CCDC47: variants seen among roughly 807,000 people sequenced by gnomAD.
The protein encoded by CCDC47 is coiled-coil domain containing 47.
Under a neutral mutation model 60.5 loss-of-function variants are expected in CCDC47, and 41 were observed. The ratio of observed to expected loss-of-function variants is 0.68; its 90% CI spans 0.53 to 0.88. The LOEUF is 0.88. Ranked by LOEUF, CCDC47 falls within the 40% of genes least tolerant of loss-of-function variation. CCDC47 has a pLI of 0.00. For missense variants in CCDC47, 513 were observed against 580.9 expected, an observed-to-expected ratio of 0.88 and a Z score of 1.20; for synonymous variants, 195 against 190.7, an observed-to-expected ratio of 1.02 and a Z score of -0.18.
At chr17:63,773,208 C>T (rs1278462738) in intron 1 of CCDC47, among the ~76,000 whole-genome samples, 1 of 152,244 alleles carries the variant, frequency 6.6e-6, no homozygotes, top group Non-Finnish European at 1.5e-5. Flanking sequence ...AGAATCAATA[C>T]ATCCTAATGT....
chr17:63,765,093 T>C (rs1351189636), intron 2 of CCDC47: 6 of 276,684 alleles, frequency 2.2e-5, no homozygotes, highest in Non-Finnish European at 3.3e-5. Flanking sequence ...TGAAATCTGC[T>C]AAGAGAATAT....
intron 12 of CCDC47, chr17:63,751,711 G>A: frequency 1.7e-6 from 1 of 584,740 alleles, no homozygotes; most frequent in East Asian, 2.8e-5. Flanking sequence ...AATTGTGCTG[G>A]GGGAACAGGA....
At chr17:63,765,762 T>G (rs2039293190) in intron 2 of CCDC47, 150 bp downstream of exon 2, 3 of 1,401,814 alleles carry the variant, frequency 2.1e-6, no homozygotes, top group Non-Finnish European at 2.8e-6. Flanking sequence ...AGGTGGAAAC[T>G]TACCACAGAA....
intron 1 of CCDC47, among the ~76,000 whole-genome samples, chr17:63,772,022 T>C (rs1418962713): frequency 2.0e-5 from 3 of 152,012 alleles, no homozygotes; most frequent in East Asian, 3.9e-4. Flanking sequence ...ATGGAGGTTG[T>C]AGTGAGCCAA....
chr17:63,758,951 G>GGAGA (rs140144742), intron 6 of CCDC47, among the ~76,000 whole-genome samples: 2 of 151,150 alleles, frequency 1.3e-5, no homozygotes, highest in Admixed American at 6.6e-5. Flanking sequence ...CTTAGCAGGA[G>GGAGA]GAGAGAGAGA....
rs1048092938 is a variant in CCDC47 at position 63,746,756 on chromosome 17, T to C, written c.*125A>G. On this transcript the variant is annotated 3_prime_UTR_variant, in exon 13 of 13. Transcript: ENST00000225726. ...ACCCCAAACAGAGTAGATGATGAAA[T>C]AAGGATTTCTCAGTTGCCCAAGACT... 3 of 715,164 alleles carry C rather than the reference T, an allele frequency of 4.2e-6. No individual in the cohort carries two copies. Among genetic ancestry groups the C allele is most frequent in the Non-Finnish European group, 7.3e-6 (3 of 410,822 alleles). The allele number at this position is 715,164 out of a possible 1,614,324, so 44.3% of individuals were successfully genotyped here.
In CCDC47 at chr17:63,751,910, A is replaced by G. The variant is rs760251617; in HGVS notation, c.1371+30T>C. On this transcript the variant is annotated intron_variant, in intron 12 of 12. Transcript: ENST00000225726. ...ACAAGCAGTCATCCTTACAAATCGTAGTTTTACCCCAGTGATAAGTTTGTC... is the reference window on the plus strand; with the variant it reads ...ACAAGCAGTCATCCTTACAAATCGTGGTTTTACCCCAGTGATAAGTTTGTC... 10 of 1,611,386 alleles carry G rather than the reference A, an allele frequency of 6.2e-6. No homozygotes were observed. The South Asian group carries it at 1.1e-4, about 18-fold the overall frequency.
intron 12 of CCDC47, 22 bp downstream of exon 12, chr17:63,751,918 C>T (rs2039168890): frequency 1.2e-6 from 2 of 1,612,914 alleles, no homozygotes; most frequent in Non-Finnish European, 1.7e-6. Context: ...GTAGTTTTAC[C>T]CCAGTGATAA....
Position 63,761,335 on chromosome 17 carries a change from G to C in CCDC47, c.564C>G (p.Asn188Lys). Residue 188 changes from asparagine to lysine, a missense_variant, in exon 5 of 13, where the codon AAC becomes AAG. Asn to Lys is a moderately conservative substitution (Grantham distance 94, BLOSUM62 0). Coordinates refer to ENST00000225726, the MANE Select transcript of CCDC47 (RefSeq NM_020198.3). ...NFTLVGDDGT[N>K]KEATSTGKLN... ...ACTTTCCTGTGCTTGTGGCTTCTTTGTTAGTTCCATCATCCCCTAGGGGTA... is the reference window on the plus strand; with the variant it reads ...ACTTTCCTGTGCTTGTGGCTTCTTTCTTAGTTCCATCATCCCCTAGGGGTA... 1.2e-6 allele frequency: 2 copies of C among 1,613,872 alleles called. No individual in the cohort carries two copies. The highest frequency in any genetic ancestry group is 1.6e-4 in the Middle Eastern group (1 of 6,062).
At chr17:63,766,327 T>A in intron 1 of CCDC47, 133 bp from the exon 2 acceptor site, 1 of 818,514 alleles carries the variant, frequency 1.2e-6, no homozygotes, top group Non-Finnish European at 1.8e-6. Context: ...CCACATTATA[T>A]AAAGAACAAT....
chr17:63,771,804 A>T (rs2039343597), intron 1 of CCDC47, among the ~76,000 whole-genome samples: 3 of 152,170 alleles, frequency 2.0e-5, no homozygotes, highest in Non-Finnish European at 4.4e-5. Flanking sequence ...GCTCTAGGCC[A>T]GGCGTGGTGG....
intron 1 of CCDC47, among the ~76,000 whole-genome samples, chr17:63,771,850 G>C (rs970310493): frequency 4.6e-5 from 7 of 152,160 alleles, no homozygotes; most frequent in African/African-American, 1.7e-4. Flanking sequence ...GGGAGGCCGA[G>C]GTGGGTGGAT....
chr17:63,755,525 G>C (rs1179805531), intron 8 of CCDC47: 1 of 149,304 alleles, frequency 6.7e-6, no homozygotes, highest in Non-Finnish European at 1.5e-5. Flanking sequence ...GATTCTTTTC[G>C]AGCAGCTAAA....
intron 4 of CCDC47, among the ~76,000 whole-genome samples, chr17:63,762,891 A>C (rs967647098): frequency 6.6e-6 from 1 of 152,174 alleles, no homozygotes; most frequent in Non-Finnish European, 1.5e-5. Flanking sequence ...TTTACTGCTG[A>C]CTCATGAAAG....
At chr17:63,773,212 C>A (rs2039365256) in intron 1 of CCDC47, among the ~76,000 whole-genome samples, 200 bp downstream of exon 1, 1 of 152,252 alleles carries the variant, frequency 6.6e-6, no homozygotes, top group South Asian at 2.1e-4. Context: ...TCAATACATC[C>A]TAATGTCATC....
intron 1 of CCDC47, chr17:63,766,875 C>A (rs2039301762): frequency 1.0e-6 from 1 of 979,858 alleles, no homozygotes; most frequent in Non-Finnish European, 1.2e-6. Context: ...AGCTATTTAT[C>A]TGTTAGTGGT....
chr17:63,754,413 C>A lies in CCDC47; in HGVS notation c.1034+20G>T, dbSNP rs1436642615. 37 of 1,463,328 alleles carry A rather than the reference C, an allele frequency of 2.5e-5. No individual in the cohort carries two copies. The highest frequency in any genetic ancestry group is 3.5e-5 in the Non-Finnish European group (37 of 1,048,480). 90.6% of individuals were successfully genotyped at this position (1,463,328 alleles called of 1,614,324 possible). Reference sequence around the variant, plus strand: ...AGCTAGTGAGGAAAATTAATTTCAACAATTTTATCTTATACGTACTCTTGC... The same window carrying A: ...AGCTAGTGAGGAAAATTAATTTCAAAAATTTTATCTTATACGTACTCTTGC... On this transcript the variant is annotated intron_variant, in intron 9 of 12. Transcript: ENST00000225726.
In CCDC47 at chr17:63,754,502, G is replaced by A. The variant is rs1204824836; in HGVS notation, c.965C>T (p.Thr322Ile). The A allele has an allele frequency of 2.5e-6, 4 of 1,605,044 alleles. No individual in the cohort carries two copies. The highest frequency in any genetic ancestry group is 3.4e-6 in the Non-Finnish European group (4 of 1,175,074). ...AGATTCAATCTTGTCAGCATAGTGT[G>A]TAAGAAAGTGAACCATCTGAAAAAA... ...MMDTKMVHFLTHYADKIESVH... is the reference protein window; with the variant it reads ...MMDTKMVHFLIHYADKIESVH... Residue 322 changes from threonine to isoleucine, a missense_variant, in exon 9 of 13, where the codon ACA becomes ATA. Physicochemically the swap from Thr to Ile is moderately conservative, Grantham distance 89 (BLOSUM62 -1). Coordinates refer to ENST00000225726, the MANE Select transcript of CCDC47 (RefSeq NM_020198.3).
chr17:63,759,527 TTATATATA>T (rs770930100), intron 6 of CCDC47, among the ~76,000 whole-genome samples: 183 of 3,944 alleles, frequency 0.046, 10 homozygotes, highest in Non-Finnish European at 0.055. Context: ...ATATATATAT[TTATATATA>T]TATATATATA....
Sources: gnomAD v4.1 joint callset for allele counts (sites outside exome capture counted in the v4.1 genomes callset) on GRCh38, gnomAD v4.1.1 for gene constraint, MANE v1.5 for transcripts, NCBI Gene and HGNC (gene_info 2026-07-23, HGNC 2026-07-21) for gene names.